HGSNAT: variants seen among roughly 807,000 people sequenced by gnomAD.
HGSNAT encodes transmembrane protein 76.
A neutral mutation model predicts 85.2 loss-of-function variants in HGSNAT; 59 were observed. The ratio of observed to expected loss-of-function variants is 0.69; its 90% CI spans 0.56 to 0.86. The LOEUF is 0.86. HGSNAT is among the 40% of genes least tolerant of loss of function. The pLI is 0.00. For synonymous variants in HGSNAT, 321 were observed against 304.5 expected, an observed-to-expected ratio of 1.05 and a Z score of -0.56; for missense variants, 756 against 777.1, an observed-to-expected ratio of 0.97 and a Z score of 0.32.
chr8:43,142,081 A>T (rs760108650), intron 1 of HGSNAT, among the ~76,000 whole-genome samples: 3 of 152,196 alleles, frequency 2.0e-5, no homozygotes, highest in Non-Finnish European at 4.4e-5. Flanking sequence ...TTGAAGAAAA[A>T]AAAAAGTAGA....
intron 17 of HGSNAT, among the ~76,000 whole-genome samples, chr8:43,199,036 G>T (rs1022065817): frequency 3.9e-5 from 6 of 152,112 alleles, no homozygotes; most frequent in African/African-American, 1.2e-4. Flanking sequence ...CAAGAAGCTG[G>T]GATTACGGGC....
chr8:43,188,537 A>G (rs1230766133), intron 11 of HGSNAT, among the ~76,000 whole-genome samples: 2 of 152,086 alleles, frequency 1.3e-5, no homozygotes, highest in African/African-American at 2.4e-5. Flanking sequence ...CTAGTTACCC[A>G]TTTGTCTAAT....
intron 14 of HGSNAT, chr8:43,195,880 GTGT>G (rs1424095211): frequency 5.1e-5 from 8 of 156,686 alleles, no homozygotes; most frequent in African/African-American, 1.9e-4. Flanking sequence ...GTTCAAACCT[GTGT>G]TGTTCAAGGA....
chr8:43,147,143 C>A, intron 2 of HGSNAT, 80 bp downstream of exon 2: 1 of 768,402 alleles, frequency 1.3e-6, no homozygotes. Flanking sequence ...GTCTAAAGCC[C>A]TTCACAAGTT....
At chr8:43,151,491 G>C (rs556248482) in intron 2 of HGSNAT, among the ~76,000 whole-genome samples, 1 of 152,218 alleles carries the variant, frequency 6.6e-6, no homozygotes, top group Non-Finnish European at 1.5e-5. Context: ...ACGTGTGGCA[G>C]AAATTAAATG....
chr8:43,198,696 T>C (rs1470451783), intron 17 of HGSNAT, among the ~76,000 whole-genome samples: 3 of 152,184 alleles, frequency 2.0e-5, no homozygotes, highest in Non-Finnish European at 4.4e-5. Flanking sequence ...ATAAATGGAA[T>C]GATTTAGATG....
intron 4 of HGSNAT, among the ~76,000 whole-genome samples, chr8:43,160,672 G>A (rs559038636): frequency 1.3e-5 from 2 of 152,220 alleles, no homozygotes; most frequent in Admixed American, 6.5e-5. Flanking sequence ...ACTTAACATT[G>A]TTCTTAACAT....
chr8:43,193,827 C>T lies in HGSNAT; in HGVS notation c.1448C>T (p.Ala483Val). ...ILGTINSIVM[A>V]FLGVQAGKIL... ...GGCACCATCAACTCCATCGTGATGGCCTTTTTAGGAGTTCAGGTATTTGTT... is the reference window on the plus strand; with the variant it reads ...GGCACCATCAACTCCATCGTGATGGTCTTTTTAGGAGTTCAGGTATTTGTT... The change falls in exon 14 of 18, where the codon GCC becomes GTC. Residue 483 changes from alanine to valine, a missense_variant. Transcript: ENST00000379644. The T allele has an allele frequency of 6.2e-7, 1 of 1,613,468 alleles. No individual in the cohort carries two copies. The highest frequency in any genetic ancestry group is 8.5e-7 in the Non-Finnish European group (1 of 1,179,472).
Position 43,140,634 on chromosome 8 carries a change from CG to C in HGSNAT, c.118+21del. ...CACGAGGTGAGTGCACACCTCCTACCGCCGCCCGGCCGGCTACGAGCGCAGC... is the reference window on the plus strand; with the variant it reads ...CACGAGGTGAGTGCACACCTCCTACCCCGCCCGGCCGGCTACGAGCGCAGC... On this transcript the variant is annotated intron_variant, in intron 1 of 17. Coordinates refer to ENST00000379644, the MANE Select transcript of HGSNAT (RefSeq NM_152419.3). 8.6e-7 allele frequency: 1 copy of C among 1,161,616 alleles called. No homozygotes were observed. Among genetic ancestry groups the C allele is most frequent in the South Asian group, 2.4e-5 (1 of 41,334 alleles). 72.0% of individuals were successfully genotyped at this position (1,161,616 alleles called of 1,614,324 possible).
At chr8:43,142,864 C>T (rs1802594148) in intron 1 of HGSNAT, among the ~76,000 whole-genome samples, 1 of 152,156 alleles carries the variant, frequency 6.6e-6, no homozygotes, top group Admixed American at 6.6e-5. Context: ...AAAACAAGTA[C>T]CTTATTCCGC....
chr8:43,169,203 A>T lies in HGSNAT; in HGVS notation c.594A>T (p.Lys198Asn), dbSNP rs763403091. The T allele has an allele frequency of 4.5e-5, 71 of 1,582,832 alleles. No individual in the cohort carries two copies. Among genetic ancestry groups the T allele is most frequent in the Non-Finnish European group, 5.8e-5 (68 of 1,163,114 alleles). Residue 198 changes from lysine (K) to asparagine (N), a missense_variant, in exon 6 of 18, where the codon AAA (lysine) becomes AAT (asparagine). Transcript: ENST00000379644. Reference protein sequence around the residue: ...SLDDFNNWISKAISSRETDRL... With the variant: ...SLDDFNNWISNAISSRETDRL... ...ATGACTTTAACAATTGGATTTCTAA[A>T]GCCATAAGTTCTCGAGAAACTGATC...
At chr8:43,189,498 T>C (rs1804449128) in intron 11 of HGSNAT, among the ~76,000 whole-genome samples, 1 of 152,164 alleles carries the variant, frequency 6.6e-6, no homozygotes, top group Non-Finnish European at 1.5e-5. Context: ...GCAGTATTAG[T>C]GTAGGAGTGT....
Position 43,192,379 on chromosome 8 carries a change from C to G in HGSNAT, c.1326C>G (p.Ile442Met). The G allele has an allele frequency of 6.2e-7, 1 of 1,613,040 alleles. No homozygotes were observed. Among genetic ancestry groups the G allele is most frequent in the Non-Finnish European group, 8.5e-7 (1 of 1,179,594 alleles). The change falls in exon 13 of 18, where the codon ATC (isoleucine) becomes ATG (methionine). Residue 442 changes from isoleucine to methionine, a missense_variant. Transcript: ENST00000379644. ...GCACTGGAGGAGCTGCAGGCTACAT[C>G]GACCGCCTGCTGCTGGGAGACGATC... ...PNCTGGAAGYIDRLLLGDDHL... is the reference protein window; with the variant it reads ...PNCTGGAAGYMDRLLLGDDHL...
At chr8:43,176,022 C>A (rs561869508) in intron 9 of HGSNAT, among the ~76,000 whole-genome samples, 3 of 152,116 alleles carry the variant, frequency 2.0e-5, no homozygotes, top group Non-Finnish European at 4.4e-5. Context: ...TAATTATCTT[C>A]TTTTCTGTGT....
chr8:43,140,582 C>G lies in HGSNAT; in HGVS notation c.86C>G (p.Ser29Trp). ...GCGCTGCTGGCCCCCGGCGGCTCTTCGGGGCGCGATGCCCAGGCCGCGCCG... is the reference window on the plus strand; with the variant it reads ...GCGCTGCTGGCCCCCGGCGGCTCTTGGGGGCGCGATGCCCAGGCCGCGCCG... ...SAALLAPGGS[S>W]GRDAQAAPPR... Residue 29 changes from serine (S) to tryptophan (W), a missense_variant, in exon 1 of 18, where the codon TCG becomes TGG. Coordinates refer to ENST00000379644, the MANE Select transcript of HGSNAT (RefSeq NM_152419.3). 2 of 1,232,668 alleles carry G rather than the reference C, an allele frequency of 1.6e-6. No homozygotes were observed. Among genetic ancestry groups the G allele is most frequent in the South Asian group, 4.8e-5 (2 of 41,430 alleles). The allele number at this position is 1,232,668 out of a possible 1,614,324, so 76.4% of individuals were successfully genotyped here. A position where few individuals can be genotyped will look rare whatever the true frequency, so the allele number is the denominator to read the frequency against.
At chr8:43,178,681 T>C (rs890309412) in intron 10 of HGSNAT, among the ~76,000 whole-genome samples, 3 of 147,612 alleles carry the variant, frequency 2.0e-5, no homozygotes, top group Non-Finnish European at 4.4e-5. Flanking sequence ...CATAGGACAA[T>C]AGTGGAGGGA....
chr8:43,172,573 C>G (rs962973696), intron 8 of HGSNAT, among the ~76,000 whole-genome samples, 187 bp downstream of exon 8: 1 of 152,156 alleles, frequency 6.6e-6, no homozygotes, highest in Non-Finnish European at 1.5e-5. Flanking sequence ...TAGTTTTGTT[C>G]CTCCTTTTGT....
chr8:43,193,628 A>C (rs1362642408), intron 13 of HGSNAT, 129 bp from the exon 14 acceptor site: 6 of 609,904 alleles, frequency 9.8e-6, no homozygotes, highest in African/African-American at 1.9e-5. Context: ...GTTGGCAATG[A>C]ATTTCTGCAG....
At chr8:43,144,057 G>A (rs1182728971) in intron 1 of HGSNAT, among the ~76,000 whole-genome samples, 1 of 152,048 alleles carries the variant, frequency 6.6e-6, no homozygotes, top group Non-Finnish European at 1.5e-5. Flanking sequence ...GGTGGCTCAC[G>A]CCTGTAGTCC....
Sources: allele counts gnomAD v4.1 joint callset (sites outside exome capture counted in the v4.1 genomes callset), GRCh38; gene constraint gnomAD v4.1.1; transcripts MANE v1.5; gene names NCBI Gene and HGNC (gene_info 2026-07-23, HGNC 2026-07-21).